Variants in DMD observed in about 807,000 individuals in gnomAD.
DMD encodes the protein dystrophin.
A neutral mutation model predicts 330.1 loss-of-function variants in DMD; 63 were observed. The ratio of observed to expected loss-of-function variants is 0.19; its 90% CI spans 0.16 to 0.24. DMD has a LOEUF of 0.24. DMD is among the 10% of genes least tolerant of loss of function. DMD has a pLI of 1.00. For synonymous variants in DMD, 1,223 were observed against 959.8 expected (o/e 1.27, Z -5.07); for missense variants, 3,344 against 2,684.1 (o/e 1.25, Z -5.43).
chrX:31,749,727 C>T (rs1283477675), intron 51 of DMD, among the ~76,000 whole-genome samples: 3 of 106,051 alleles, frequency 2.8e-5, no homozygotes, highest in African/African-American at 6.9e-5. Context: ...ACACTGACTT[C>T]CACAATGGTT....
At chrX:32,796,916 T>G (rs2076221978) in intron 7 of DMD, among the ~76,000 whole-genome samples, 1 of 112,123 alleles carries the variant, frequency 8.9e-6, no homozygotes, top group Admixed American at 9.5e-5. Context: ...AGACTTTAGT[T>G]CATCATTATT....
At chrX:31,968,597 T>G in intron 44 of DMD, 83 bp from the exon 45 acceptor site, 2 of 1,016,598 alleles carry the variant, frequency 2.0e-6, no homozygotes, top group African/African-American at 3.7e-5. Flanking sequence ...TGCTACCACA[T>G]GCAGTTGTAC....
At chrX:32,621,933 T>C (rs1360916587) in intron 11 of DMD, among the ~76,000 whole-genome samples, 1 of 111,353 alleles carries the variant, frequency 9.0e-6, no homozygotes, top group Non-Finnish European at 1.9e-5. Flanking sequence ...AACTCTGGGA[T>C]GAGGTCTAGA....
intron 34 of DMD, among the ~76,000 whole-genome samples, chrX:32,366,726 G>A (rs1333789118): frequency 1.8e-5 from 2 of 111,753 alleles, no homozygotes; most frequent in Non-Finnish European, 3.8e-5. Flanking sequence ...TGGTCCACTC[G>A]AAATCACTTC....
intron 7 of DMD, among the ~76,000 whole-genome samples, chrX:32,725,194 G>T (rs911471183): frequency 7.2e-5 from 8 of 110,965 alleles, no homozygotes; most frequent in Non-Finnish European, 1.1e-4. Context: ...TAATATATAA[G>T]GGTGTTCCAG....
chrX:31,997,986 C>T (rs758775327), intron 44 of DMD, among the ~76,000 whole-genome samples: 81 of 111,477 alleles, frequency 7.3e-4, no homozygotes, highest in Non-Finnish European at 1.4e-3. Context: ...CACACTATAT[C>T]CATGAGAAGG....
intron 2 of DMD, chrX:32,960,120 C>G (rs1241889784): frequency 1.8e-5 from 2 of 112,111 alleles, no homozygotes; most frequent in African/African-American, 6.5e-5. Context: ...GTGCATCATC[C>G]AGCAACTATG....
chrX:32,982,082 A>T (rs770078237), intron 2 of DMD, among the ~76,000 whole-genome samples: 34 of 111,924 alleles, frequency 3.0e-4, no homozygotes, highest in Non-Finnish European at 4.7e-4. Context: ...GATAAACTGT[A>T]TGTTTCTATA....
At chrX:32,790,960 G>A (rs959720367) in intron 7 of DMD, among the ~76,000 whole-genome samples, 2 of 111,138 alleles carry the variant, frequency 1.8e-5, no homozygotes, top group African/African-American at 3.3e-5. Flanking sequence ...CCTGAGGACA[G>A]GTCTTCCCAG....
chrX:32,462,926 C>G (rs913845747), intron 25 of DMD, among the ~76,000 whole-genome samples: 1 of 110,967 alleles, frequency 9.0e-6, no homozygotes, highest in African/African-American at 3.3e-5. Flanking sequence ...CACCACTGCA[C>G]TCCAGCCTGG....
intron 52 of DMD, among the ~76,000 whole-genome samples, chrX:31,695,864 A>G (rs1419335391): frequency 1.8e-5 from 2 of 111,145 alleles, no homozygotes; most frequent in Non-Finnish European, 3.8e-5. Flanking sequence ...TTTGCACAGC[A>G]CAGGAACTAT....
chrX:33,134,603 G>A (rs1341839261), intron 1 of DMD, among the ~76,000 whole-genome samples: 1 of 111,596 alleles, frequency 9.0e-6, no homozygotes, highest in Non-Finnish European at 1.9e-5. Flanking sequence ...TAATGTTCTC[G>A]CTACAAAAAA....
intron 7 of DMD, among the ~76,000 whole-genome samples, chrX:32,724,961 CAAAT>C (rs1375323868): frequency 9.0e-6 from 1 of 111,539 alleles, no homozygotes; most frequent in African/African-American, 3.3e-5. Context: ...TAGTAAACAT[CAAAT>C]AAACTTTAAC....
At chrX:32,352,153 T>C (rs2097783792) in intron 37 of DMD, among the ~76,000 whole-genome samples, 1 of 110,734 alleles carries the variant, frequency 9.0e-6, no homozygotes, top group African/African-American at 3.3e-5. Flanking sequence ...AACACTGATT[T>C]TCAAGTAATG....
chrX:31,147,610 A>C, intron 74 of DMD, 92 bp from the exon 75 acceptor site: 1 of 692,687 alleles, frequency 1.4e-6, no homozygotes, highest in Non-Finnish European at 2.2e-6. Flanking sequence ...CAAATTTTAT[A>C]TACCATGGTA....
At chrX:33,127,996 GA>G in intron 1 of DMD, 4 of 1,090,016 alleles carry the variant, frequency 3.7e-6, no homozygotes, top group Non-Finnish European at 4.8e-6. Context: ...AACTTTTATA[GA>G]AAGGCATATG....
At chrX:33,098,499 C>T (rs930350880) in intron 1 of DMD, among the ~76,000 whole-genome samples, 4 of 110,951 alleles carry the variant, frequency 3.6e-5, no homozygotes, top group African/African-American at 1.3e-4. Context: ...TAGGGCAAAC[C>T]CAAGCCCTTC....
At chrX:32,816,348 C>A in intron 6 of DMD, 120 bp downstream of exon 6, 1 of 757,893 alleles carries the variant, frequency 1.3e-6, no homozygotes, top group Admixed American at 2.5e-5. Flanking sequence ...TCAATGTGGT[C>A]AATGTACATA....
chrX:32,682,202 T>C (rs1346402605), intron 9 of DMD, among the ~76,000 whole-genome samples: 1 of 112,009 alleles, frequency 8.9e-6, no homozygotes, highest in African/African-American at 3.2e-5. Context: ...AATATGGCCA[T>C]ATATGTTCCC....
Sources: allele counts gnomAD v4.1 joint callset (sites outside exome capture counted in the v4.1 genomes callset), GRCh38; gene constraint gnomAD v4.1.1; transcripts MANE v1.5; gene names NCBI Gene and HGNC (gene_info 2026-07-23, HGNC 2026-07-21).